Variants in SGCG observed in about 807,000 individuals in gnomAD.
The protein encoded by SGCG is sarcoglycan gamma, also known as gamma-sarcoglycan.
Under a neutral mutation model 29.3 loss-of-function variants are expected in SGCG, and 26 were observed. The observed-to-expected ratio is 0.89, with a 90% confidence interval of 0.65 to 1.23. The LOEUF (loss-of-function observed/expected upper bound fraction) is 1.23. Among genes scored for constraint, SGCG ranks in the 50% most tolerant of loss-of-function variants. The probability of loss-of-function intolerance (pLI) is 0.00; values close to 1 mark genes in which losing one functional copy is unlikely to be tolerated. For missense variants in SGCG, 353 were observed against 356.0 expected (o/e 0.99, Z 0.07); for synonymous variants, 145 against 129.7 (o/e 1.12, Z -0.80).
chr13:23,212,731 G>T (rs1045935174), intron 2 of SGCG, among the ~76,000 whole-genome samples: 6 of 152,120 alleles, frequency 3.9e-5, no homozygotes, highest in Admixed American at 3.9e-4. Flanking sequence ...TCTTAGAAAT[G>T]GATACTGCTA....
At position 23,219,827 on chromosome 13, in the gene SGCG, C is replaced by CTTT. The variant is rs1184090222; in HGVS notation, c.196-14764_196-14762dup. Among the ~76,000 whole-genome samples the CTTT allele has an allele frequency of 7.0e-3, 698 of 99,184 alleles. 3 individuals carry two copies. The highest frequency in any genetic ancestry group is 9.6e-3 in the East Asian group (29 of 3,032). 65.1% of individuals were successfully genotyped at this position (99,184 alleles called of 152,430 possible). On this transcript the variant is annotated intron_variant, in intron 2 of 7. Coordinates refer to ENST00000218867, the MANE Select transcript of SGCG (RefSeq NM_000231.3). ...TGAAACTAGGTTTACATTTCTTTTC[C>CTTT]TTTTTTTTTTTTTTTTTTTTTTGAG...
the SGCG span, among the ~76,000 whole-genome samples, chr13:23,175,217 A>G: frequency 6.6e-6 from 1 of 152,190 alleles, no homozygotes; most frequent in African/African-American, 2.4e-5. Context: ...AGACATAGCA[A>G]TAGGAGGCTA....
chr13:23,287,964 A>G (rs1881560527), intron 5 of SGCG, among the ~76,000 whole-genome samples: 1 of 152,186 alleles, frequency 6.6e-6, no homozygotes, highest in Non-Finnish European at 1.5e-5. Context: ...CATGTTAGCC[A>G]GGATGGTCTT....
At chr13:23,299,472 T>TTC in intron 6 of SGCG, among the ~76,000 whole-genome samples, 1 of 118,116 alleles carries the variant, frequency 8.5e-6, no homozygotes, top group South Asian at 3.0e-4. Flanking sequence ...TTTTTTTTTT[T>TTC]AGTCGGAGTC....
chr13:23,212,308 T>C (rs990076850), intron 2 of SGCG, among the ~76,000 whole-genome samples: 2 of 152,172 alleles, frequency 1.3e-5, no homozygotes, highest in South Asian at 2.1e-4. Flanking sequence ...GAGGTTATCT[T>C]GATCACCTCT....
rs1883005914 is a variant in SGCG, at chr13:23,320,716, G to A, written c.658G>A (p.Ala220Thr). Residue 220 changes from alanine to threonine, a missense_variant, in exon 7 of 8, where the codon GCG becomes ACG. By Grantham distance (58) the Ala-to-Thr change is moderately conservative. Coordinates refer to ENST00000218867, the MANE Select transcript of SGCG (RefSeq NM_000231.3). ...HIQAHAGKIEALSQMDILFHS... is the reference protein window; with the variant it reads ...HIQAHAGKIETLSQMDILFHS... ...TCAAGCTCACGCTGGGAAAATTGAG[G>A]CGCTTTCTCAAATGGATATTCTTTT... 4 of 1,613,404 alleles carry A rather than the reference G, an allele frequency of 2.5e-6. No individual in the cohort carries two copies. The East Asian group carries it at 8.9e-5, about 36-fold the overall frequency.
intron 4 of SGCG, among the ~76,000 whole-genome samples, chr13:23,264,219 G>T (rs1433982904): frequency 6.6e-6 from 1 of 151,878 alleles, no homozygotes; most frequent in Non-Finnish European, 1.5e-5. Flanking sequence ...TTTGATGAAT[G>T]AATTCAGTAA....
In SGCG at chr13:23,202,181, A is replaced by C. The variant is rs1382549941; in HGVS notation, c.1-1514A>C. Among the ~76,000 whole-genome samples the C allele has an allele frequency of 3.9e-5, 6 of 152,226 alleles. No individual in the cohort carries two copies. In the East Asian group the frequency reaches 9.6e-4, roughly 24 times the overall value. ...CAAAGACATCAGCGAAGTCCGGCTCATATAGGGTCTTGTGGGTGATAGAGG... is the reference window on the plus strand; with the variant it reads ...CAAAGACATCAGCGAAGTCCGGCTCCTATAGGGTCTTGTGGGTGATAGAGG... On this transcript the variant is annotated intron_variant, in intron 1 of 7. Transcript: ENST00000218867.
intron 1 of SGCG, among the ~76,000 whole-genome samples, chr13:23,198,977 G>A (rs1387396880): frequency 2.7e-5 from 4 of 147,320 alleles, no homozygotes; most frequent in East Asian, 2.1e-4. Context: ...GCGTGGTGGC[G>A]GGTGCCTGTA....
chr13:23,257,404 T>C (rs1474397624), intron 4 of SGCG, among the ~76,000 whole-genome samples: 3 of 152,110 alleles, frequency 2.0e-5, no homozygotes, highest in African/African-American at 4.8e-5. Context: ...ATGCTATCCC[T>C]ACCCCATTCC....
chr13:23,310,983 A>T (rs1404591838), intron 6 of SGCG, among the ~76,000 whole-genome samples: 1 of 152,166 alleles, frequency 6.6e-6, no homozygotes, highest in Non-Finnish European at 1.5e-5. Context: ...CACATTTTGT[A>T]ATGTCCACTG....
At chr13:23,173,548 T>G in the SGCG span, among the ~76,000 whole-genome samples, 1 of 152,234 alleles carries the variant, frequency 6.6e-6, no homozygotes. Context: ...TCTGATGTTC[T>G]CTGTTCAGTT....
chr13:23,166,934 A>G, the SGCG span, among the ~76,000 whole-genome samples: 1 of 152,108 alleles, frequency 6.6e-6, no homozygotes, highest in East Asian at 1.9e-4. Flanking sequence ...TACTCTTTTT[A>G]TTTTAAAGTG....
chr13:23,235,285 G>A (rs1170355758), intron 3 of SGCG, among the ~76,000 whole-genome samples: 1 of 151,846 alleles, frequency 6.6e-6, no homozygotes, highest in Non-Finnish European at 1.5e-5. Flanking sequence ...CTTGAACCCA[G>A]GAAGCAGAGG....
intron 3 of SGCG, chr13:23,246,799 C>G (rs1450444837): frequency 5.0e-6 from 1 of 201,314 alleles, no homozygotes; most frequent in Non-Finnish European, 1.1e-5. Flanking sequence ...TGCCGAGAAG[C>G]CGATGAAGAC....
intron 2 of SGCG, among the ~76,000 whole-genome samples, chr13:23,231,819 G>A (rs931527573): frequency 2.0e-5 from 3 of 152,088 alleles, no homozygotes; most frequent in East Asian, 3.9e-4. Flanking sequence ...TGCATCACAC[G>A]TATAAAAGAG....
At chr13:23,195,505 G>C (rs1054816956) in intron 1 of SGCG, among the ~76,000 whole-genome samples, 1 of 151,260 alleles carries the variant, frequency 6.6e-6, no homozygotes, top group Non-Finnish European at 1.5e-5. Flanking sequence ...TTGTTTGTTT[G>C]TTTGTTTTGT....
chr13:23,257,715 A>G (rs1880254183), intron 4 of SGCG, among the ~76,000 whole-genome samples: 1 of 152,100 alleles, frequency 6.6e-6, no homozygotes, highest in Non-Finnish European at 1.5e-5. Context: ...TCTTGAATTA[A>G]TTTTCATATA....
chr13:23,293,470 G>A (rs1295641108), intron 5 of SGCG, among the ~76,000 whole-genome samples: 1 of 152,158 alleles, frequency 6.6e-6, no homozygotes, highest in African/African-American at 2.4e-5. Flanking sequence ...TACTAAGGAA[G>A]TAGTAATTAT....
Sources: allele counts gnomAD v4.1 joint callset (sites outside exome capture counted in the v4.1 genomes callset), GRCh38; gene constraint gnomAD v4.1.1; transcripts MANE v1.5; gene names NCBI Gene and HGNC (gene_info 2026-07-23, HGNC 2026-07-21).